Variants in DPP8 observed in about 807,000 individuals in gnomAD.
DPP8 encodes dipeptidyl peptidase 8.
A neutral mutation model predicts 107.5 loss-of-function variants in DPP8; 31 were observed. That is an observed-to-expected ratio of 0.29 (90% CI 0.22 to 0.39). The LOEUF is 0.39. Among genes scored for constraint, DPP8 ranks in the 10% least tolerant of loss-of-function variants. The pLI, the probability that DPP8 is intolerant of heterozygous loss-of-function variation, is 1.00. For synonymous variants in DPP8, 381 were observed against 356.6 expected, an observed-to-expected ratio of 1.07 and a Z score of -0.77; for missense variants, 842 against 1,076.1, an observed-to-expected ratio of 0.78 and a Z score of 3.04.
intron 13 of DPP8, 104 bp downstream of exon 13, chr15:65,466,967 G>GCAA: frequency 3.4e-6 from 5 of 1,473,312 alleles, no homozygotes; most frequent in Admixed American, 2.2e-5. Context: ...CTTTTCCTTA[G>GCAA]AGAATTAGGC....
chr15:65,501,925 T>C (rs2069283065), intron 3 of DPP8, among the ~76,000 whole-genome samples: 1 of 152,218 alleles, frequency 6.6e-6, no homozygotes, highest in African/African-American at 2.4e-5. Context: ...ACTCTCACTC[T>C]GTTGCCCAGG....
chr15:65,456,468 T>C, intron 15 of DPP8, 97 bp from the exon 16 acceptor site: 2 of 1,176,408 alleles, frequency 1.7e-6, no homozygotes, highest in Non-Finnish European at 2.4e-6. Context: ...AATTTCACTA[T>C]TATTTTACCT....
Position 65,512,503 on chromosome 15 carries a change from A to G in DPP8, c.51T>C (p.Thr17=), listed in dbSNP as rs765642349. The G allele has an allele frequency of 6.2e-7, 1 of 1,614,050 alleles. No individual in the cohort carries two copies. The highest frequency in any genetic ancestry group is 8.5e-7 in the Non-Finnish European group (1 of 1,180,032). The change falls in exon 2 of 20, where the codon ACT becomes ACC. Residue 17 remains threonine, a synonymous_variant. Coordinates refer to ENST00000300141, the MANE Select transcript of DPP8 (RefSeq NM_130434.5). Reference sequence around the variant, plus strand: ...ATTCAATATTCTCCTCACAGTCCGCAGTTTCAAATATCTCAACACCCAGCT... The same window carrying G: ...ATTCAATATTCTCCTCACAGTCCGCGGTTTCAAATATCTCAACACCCAGCT... The part of the protein sequence containing the change: ...TEQLGVEIFE[T]ADCEENIESQ...
intron 17 of DPP8, among the ~76,000 whole-genome samples, chr15:65,452,921 G>A (rs2064100174): frequency 6.6e-6 from 1 of 151,740 alleles, no homozygotes. Flanking sequence ...GCAGTGAGCC[G>A]AGATCGCACA....
Position 65,500,628 on chromosome 15 carries a change from T to C in DPP8, c.524A>G (p.Asp175Gly). The C allele has an allele frequency of 6.2e-7, 1 of 1,614,076 alleles. No homozygotes were observed. Among genetic ancestry groups the C allele is most frequent in the Non-Finnish European group, 8.5e-7 (1 of 1,179,964 alleles). Residue 175 changes from aspartate (D) to glycine (G), a missense_variant, in exon 4 of 20, where the codon GAT becomes GGT. By Grantham distance (94) the Asp-to-Gly change is moderately conservative. Around this residue, in one of 2 missense-constraint regions of DPP8, gnomAD observed 663 missense variants for 758.0 expected, o/e 0.87. Transcript: ENST00000300141. ...TACCGTAAATCCTTGTGGCCCTCCA[T>C]CTTTTACGTGATAAATTCCACTACC... is the stretch of plus-strand genomic sequence containing the variant. Reference protein sequence around the residue: ...QAGSGIYHVKDGGPQGFTQQP... With the variant: ...QAGSGIYHVKGGGPQGFTQQP...
At chr15:65,500,528 A>T in intron 4 of DPP8, 78 bp downstream of exon 4, 3 of 1,159,978 alleles carry the variant, frequency 2.6e-6, no homozygotes, top group Non-Finnish European at 1.2e-6. Flanking sequence ...TGGTTTGTTT[A>T]TTAATTACCT....
chr15:65,463,788 A>C lies in DPP8; in HGVS notation c.1944T>G (p.Thr648=), dbSNP rs61736633. Residue 648 remains threonine, a synonymous_variant, in exon 15 of 20, where the codon ACT becomes ACG. Coordinates refer to ENST00000300141, the MANE Select transcript of DPP8 (RefSeq NM_130434.5). The part of the protein sequence containing the change: ...HDLQPGKKYP[T]VLFIYGGPQV... Reference sequence around the variant, plus strand: ...GAGGACCACCATATATGAACAGCACAGTAGGATATTTCTTTCCAGGCTGTA... The same window carrying C: ...GAGGACCACCATATATGAACAGCACCGTAGGATATTTCTTTCCAGGCTGTA... 3.7e-6 allele frequency: 6 copies of C among 1,613,204 alleles called. No individual in the cohort carries two copies. The South Asian group carries it at 6.6e-5, about 18-fold the overall frequency.
intron 1 of DPP8, 47 bp from the exon 2 acceptor site, chr15:65,512,611 T>C: frequency 6.3e-7 from 1 of 1,596,458 alleles, no homozygotes; most frequent in Non-Finnish European, 8.5e-7. Context: ...TATCTTCTAT[T>C]ATCAGAATGA....
intron 12 of DPP8, among the ~76,000 whole-genome samples, chr15:65,469,584 C>T (rs2140528525): frequency 7.4e-6 from 1 of 134,482 alleles, no homozygotes; most frequent in Admixed American, 8.7e-5. Context: ...ACCTGGGAGG[C>T]AGAAGTTGCA....
At chr15:65,473,817 G>C (rs1047282787) in intron 12 of DPP8, among the ~76,000 whole-genome samples, 1 of 152,052 alleles carries the variant, frequency 6.6e-6, no homozygotes, top group Non-Finnish European at 1.5e-5. Context: ...AAAAATACTG[G>C]GGTCGGCTGG....
chr15:65,479,079 A>T, intron 10 of DPP8, 40 bp from the exon 11 acceptor site: 1 of 1,382,184 alleles, frequency 7.2e-7, no homozygotes, highest in Non-Finnish European at 9.8e-7. Context: ...CATATTATGA[A>T]AATACTACAT....
chr15:65,487,678 G>A lies in DPP8; in HGVS notation c.955+12C>T. 1 of 1,600,198 alleles carries A rather than the reference G, an allele frequency of 6.2e-7. No homozygotes were observed. Among genetic ancestry groups the A allele is most frequent in the Non-Finnish European group, 8.5e-7 (1 of 1,174,928 alleles). On this transcript the variant is annotated intron_variant, in intron 7 of 19. Coordinates refer to ENST00000300141, the MANE Select transcript of DPP8 (RefSeq NM_130434.5). ...GAAATGAGTGAATATAAATGCCAAT[G>A]GAGTACAGTACCTGTTTTAGGATAA...
chr15:65,473,842 G>A (rs352467), intron 12 of DPP8, among the ~76,000 whole-genome samples: 9,397 of 152,128 alleles, frequency 0.062, 301 homozygotes, highest in African/African-American at 0.087. Context: ...AGTGGCTCAC[G>A]CCTGTAATCC....
At chr15:65,449,538 T>C (rs773096628) in intron 19 of DPP8, among the ~76,000 whole-genome samples, 36 of 151,842 alleles carry the variant, frequency 2.4e-4, no homozygotes, top group Non-Finnish European at 4.7e-4. Flanking sequence ...GCTTCCTGAG[T>C]AGTTGGGATT....
intron 12 of DPP8, among the ~76,000 whole-genome samples, chr15:65,472,865 TC>T (rs1470116723): frequency 6.6e-6 from 1 of 152,032 alleles, no homozygotes; most frequent in East Asian, 1.9e-4. Flanking sequence ...CATGGCGGAA[TC>T]CCGTCTACAA....
intron 7 of DPP8, among the ~76,000 whole-genome samples, chr15:65,486,781 T>C (rs1015267651): frequency 6.6e-6 from 1 of 152,122 alleles, no homozygotes; most frequent in Admixed American, 6.5e-5. Context: ...AGCTAAGCTA[T>C]GAGGACACAA....
At position 65,515,764 on chromosome 15, in the gene DPP8, G is replaced by A. The variant is rs879366571; in HGVS notation, c.-12+1722C>T. On this transcript the variant is annotated intron_variant, in intron 1 of 19. Coordinates refer to ENST00000300141, the MANE Select transcript of DPP8 (RefSeq NM_130434.5). ...TCTGCTCATCCTGCTCTTCTCACAG[G>A]AATCTTTCCTTTCCTCACCATCAAA... The A allele has an allele frequency of 4.2e-6, 6 of 1,439,218 alleles. No individual in the cohort carries two copies. In the Admixed American group the frequency reaches 1.0e-4, roughly 25 times the overall value. The allele number at this position is 1,439,218 out of a possible 1,614,324, so 89.2% of individuals were successfully genotyped here.
chr15:65,461,724 C>T (rs911865616), intron 15 of DPP8, among the ~76,000 whole-genome samples: 1 of 151,954 alleles, frequency 6.6e-6, no homozygotes, highest in Admixed American at 6.6e-5. Flanking sequence ...CTGCCTTAGC[C>T]TCCCAAGTAG....
intron 2 of DPP8, 103 bp from the exon 3 acceptor site, chr15:65,507,458 C>T (rs1373912575): frequency 3.0e-6 from 2 of 657,782 alleles, no homozygotes; most frequent in African/African-American, 3.7e-5. Flanking sequence ...CAATATTTTG[C>T]ACTCTATGGG....
Sources: allele counts gnomAD v4.1 joint callset (sites outside exome capture counted in the v4.1 genomes callset), GRCh38; gene constraint gnomAD v4.1.1; regional missense constraint gnomAD v4.1.1; transcripts MANE v1.5; gene names NCBI Gene and HGNC (gene_info 2026-07-23, HGNC 2026-07-21).